The following POMGNT1 variants were observed in gnomAD, a reference collection of about 807,000 sequenced individuals.
The protein encoded by POMGNT1 is protein O-linked-mannose beta-1,2-N-acetylglucosaminyltransferase 1.
POMGNT1 carries 67 observed loss-of-function variants against 95.6 expected under a neutral mutation model. That is an observed-to-expected ratio of 0.70 (90% CI 0.58 to 0.86). The LOEUF is 0.86. Among genes scored for constraint, POMGNT1 ranks in the 40% least tolerant of loss-of-function variants. The probability of loss-of-function intolerance (pLI) is 0.00; values close to 1 mark genes in which losing one functional copy is unlikely to be tolerated. For synonymous variants in POMGNT1, 298 were observed against 317.9 expected (o/e 0.94, Z 0.66); for missense variants, 719 against 855.2 (o/e 0.84, Z 1.99).
Position 46,196,600 on chromosome 1 carries a change from C to T in POMGNT1, c.354+131G>A, listed in dbSNP as rs1032065668. The T allele has an allele frequency of 2.1e-5, 32 of 1,550,204 alleles. No individual in the cohort carries two copies. Among genetic ancestry groups the T allele is most frequent in the African/African-American group, 2.7e-5 (2 of 73,644 alleles). On this transcript the variant is annotated intron_variant, in intron 4 of 21. Coordinates refer to ENST00000371984, the MANE Select transcript of POMGNT1 (RefSeq NM_017739.4). The surrounding 1 kb of genome is among the most constrained non-coding windows in gnomAD (Gnocchi z 4.4). ...TAGTCCCAGTCTATAGATAAGGAAT[C>T]GAGGACTCCAAAGTCACACAGCTAG... is the stretch of plus-strand genomic sequence containing the variant.
rs372849488 is a variant in POMGNT1, at chr1:46,215,494, G to A, written c.-51+4211C>T. 1.2e-3 allele frequency among the ~76,000 whole-genome samples: 177 copies of A among 152,252 alleles called. 2 individuals are homozygous for A. In the Middle Eastern group the frequency reaches 0.014, roughly 12 times the overall value. ...CAAATTGCTGTAAAAACAGAACACT[G>A]GGAACAAAGAGAAGATCCTAAAAGC... is the stretch of plus-strand genomic sequence containing the variant. On this transcript the variant is annotated intron_variant, in intron 1 of 22. Transcript: ENST00000371992.
chr1:46,198,232 G>A (rs1181772627), intron 1 of POMGNT1, 104 bp downstream of exon 1: 1 of 172,194 alleles, frequency 5.8e-6, no homozygotes, highest in Non-Finnish European at 1.3e-5. Context: ...CATCCTATCT[G>A]CCCCAGCTTC....
chr1:46,203,129 G>A (rs1007353604), upstream of POMGNT1, among the ~76,000 whole-genome samples: 1 of 152,132 alleles, frequency 6.6e-6, no homozygotes, highest in African/African-American at 2.4e-5. Flanking sequence ...GTGCCTGGCT[G>A]GATTCAGTGC....
chr1:46,190,095 TTC>T (rs1183388338), intron 19 of POMGNT1, 106 bp from the exon 20 acceptor site: 47 of 1,233,972 alleles, frequency 3.8e-5, no homozygotes, highest in South Asian at 4.6e-5. Flanking sequence ...CACCTTGAAG[TTC>T]TTTTTTTTTT....
chr1:46,217,269 A>G (rs145621976), intron 1 of POMGNT1, among the ~76,000 whole-genome samples: 29 of 152,320 alleles, frequency 1.9e-4, no homozygotes, highest in Middle Eastern at 3.4e-3. Context: ...GATGGAATAG[A>G]TAGAACGTGT....
rs557884653 is a variant in POMGNT1, at chr1:46,190,865, A to T, written c.1540-81T>A. ...CTTGCTGACCAGCCAGACATCTATA[A>T]GACACACAAATGAAGTCCTAGACCT... On this transcript the variant is annotated intron_variant, in intron 17 of 21. Coordinates refer to ENST00000371984, the MANE Select transcript of POMGNT1 (RefSeq NM_017739.4). 3.8e-6 allele frequency: 5 copies of T among 1,329,620 alleles called. No homozygotes were observed. In the South Asian group the frequency reaches 5.9e-5, roughly 16 times the overall value. 82.4% of individuals were successfully genotyped at this position (1,329,620 alleles called of 1,614,324 possible).
intron 1 of POMGNT1, among the ~76,000 whole-genome samples, chr1:46,213,702 G>A (rs781309865): frequency 5.3e-5 from 8 of 151,482 alleles, no homozygotes; most frequent in South Asian, 2.1e-4. Flanking sequence ...CCTGGACAAC[G>A]TAGCGAGACT....
intron 1 of POMGNT1, among the ~76,000 whole-genome samples, chr1:46,216,554 C>G (rs1659077905): frequency 6.6e-6 from 1 of 152,108 alleles, no homozygotes; most frequent in Non-Finnish European, 1.5e-5. Flanking sequence ...GTTACCTAGG[C>G]TGATCTCAAA....
chr1:46,196,820 G>T lies in POMGNT1; in HGVS notation c.265C>A (p.Arg89=). The T allele has an allele frequency of 6.2e-7, 1 of 1,614,188 alleles. No individual in the cohort carries two copies. The highest frequency in any genetic ancestry group is 8.5e-7 in the Non-Finnish European group (1 of 1,180,036). Residue 89 remains arginine (R), a synonymous_variant, in exon 4 of 22, where the codon CGG becomes AGG. Coordinates refer to ENST00000371984, the MANE Select transcript of POMGNT1 (RefSeq NM_017739.4). The surrounding 1 kb of genome is among the most constrained non-coding windows in gnomAD (Gnocchi z 4.4). The stretch of plus-strand genomic sequence containing the variant: ...CGCCGGGGACCACTGCCTCTGCGCC[G>T]TGGGGGCTCCAGGCGGCCTAGGGCC... The part of the protein sequence containing the change: ...DEALGRLEPP[R]RRGSGPRRVL...
In POMGNT1 at chr1:46,195,933, G is replaced by A. The variant is rs748122023; in HGVS notation, c.421-9C>T. ...TTTGCCATCACGTGGCCCTGGCAGGGGATATACTTCTGGTGAGTTGGTGTC... is the reference window on the plus strand; with the variant it reads ...TTTGCCATCACGTGGCCCTGGCAGGAGATATACTTCTGGTGAGTTGGTGTC... On this transcript the variant is annotated splice_polypyrimidine_tract_variant and intron_variant, in intron 5 of 21. Transcript: ENST00000371984. 22 of 1,614,010 alleles carry A rather than the reference G, an allele frequency of 1.4e-5. No homozygotes were observed. The East Asian group carries it at 4.5e-4, about 33-fold the overall frequency.
At chr1:46,217,128 G>A (rs1195723162) in intron 1 of POMGNT1, among the ~76,000 whole-genome samples, 5 of 152,162 alleles carry the variant, frequency 3.3e-5, no homozygotes, top group African/African-American at 7.2e-5. Flanking sequence ...TCTAAGAAAC[G>A]AGGGATCCAG....
upstream of POMGNT1, chr1:46,203,344 C>T: frequency 1.5e-6 from 2 of 1,319,364 alleles, no homozygotes; most frequent in East Asian, 2.9e-5. Flanking sequence ...GGTTTTGCTC[C>T]GCTTTAGCAG....
intron 19 of POMGNT1, 92 bp downstream of exon 19, chr1:46,190,381 C>G (rs1292458635): frequency 6.8e-7 from 1 of 1,477,252 alleles, no homozygotes; most frequent in African/African-American, 1.4e-5. Context: ...CCCTGATTTT[C>G]ATTTTGCACA....
rs762531635 is a variant in POMGNT1 at position 46,193,544 on chromosome 1, ACCC to A, written c.1026+17_1026+19del. 6.2e-7 allele frequency: 1 copy of A among 1,613,808 alleles called. No homozygotes were observed. Among genetic ancestry groups the A allele is most frequent in the Non-Finnish European group, 8.5e-7 (1 of 1,179,928 alleles). On this transcript the variant is annotated intron_variant, in intron 11 of 21. Transcript: ENST00000371984. Reference sequence around the variant, plus strand: ...CTCCATGTTGTACTCCACCCGAGGCACCCCCCAAGTCCTGCTCACCTCATAGTA... The same window carrying A: ...CTCCATGTTGTACTCCACCCGAGGCACCCAAGTCCTGCTCACCTCATAGTA...
chr1:46,195,625 T>C, intron 6 of POMGNT1, 186 bp downstream of exon 6: 1 of 680,498 alleles, frequency 1.5e-6, no homozygotes, highest in South Asian at 1.6e-5. Flanking sequence ...GAGAAGTACC[T>C]GGCATACAGC....
intron 1 of POMGNT1, chr1:46,203,614 A>C: frequency 1.2e-6 from 2 of 1,601,758 alleles, no homozygotes; most frequent in Non-Finnish European, 1.7e-6. Context: ...ATGGCGCTGA[A>C]GATGGAGCTG....
intron 1 of POMGNT1, among the ~76,000 whole-genome samples, chr1:46,210,221 A>T (rs970799028): frequency 2.6e-5 from 4 of 152,084 alleles, no homozygotes; most frequent in African/African-American, 9.7e-5. Context: ...CAGGTATAAA[A>T]TTTTTTTCTA....
chr1:46,190,913 A>C, intron 17 of POMGNT1, 129 bp from the exon 18 acceptor site: 1 of 856,702 alleles, frequency 1.2e-6, no homozygotes, highest in Admixed American at 1.9e-5. Context: ...CTAATTTCCC[A>C]CCGTCTTCTC....
rs756301736 is a variant in POMGNT1, at chr1:46,188,855, T to C, written c.*415A>G. The C allele has an allele frequency of 1.4e-5, 23 of 1,612,752 alleles. No individual in the cohort carries two copies. In the African/African-American group the frequency reaches 2.0e-4, roughly 14 times the overall value. On this transcript the variant is annotated 3_prime_UTR_variant, in exon 22 of 22. Transcript: ENST00000371984. ...CCATGGGTTGGGCACAGCAGTTTCC[T>C]GAGTAAGAGCCAGCCCCACCCTCAG...
Sources: allele counts gnomAD v4.1 joint callset (sites outside exome capture counted in the v4.1 genomes callset), GRCh38; gene constraint gnomAD v4.1.1; non-coding constraint Gnocchi (gnomAD v3.1); transcripts MANE v1.5; gene names NCBI Gene and HGNC (gene_info 2026-07-23, HGNC 2026-07-21).